The following THADA variants were observed in gnomAD, a reference collection of about 807,000 sequenced individuals.
The protein encoded by THADA is tRNA (32-2'-O)-methyltransferase regulator THADA.
THADA carries 213 observed loss-of-function variants against 219.8 expected under a neutral mutation model. The ratio of observed to expected loss-of-function variants is 0.97; its 90% CI spans 0.87 to 1.09. The LOEUF (loss-of-function observed/expected upper bound fraction) is 1.09. Ranked by LOEUF, THADA falls within the 50% of genes least tolerant of loss-of-function variation. The pLI is 0.00. For missense variants in THADA, 2,956 were observed against 2,311.3 expected (o/e 1.28, Z -5.72); for synonymous variants, 1,018 against 828.9 (o/e 1.23, Z -3.92).
At chr2:43,426,193 T>C (rs1678400791) in intron 28 of THADA, among the ~76,000 whole-genome samples, 1 of 152,202 alleles carries the variant, frequency 6.6e-6, no homozygotes, top group African/African-American at 2.4e-5. Context: ...ATATAATGAG[T>C]AGTATCAGCA....
At chr2:43,394,753 C>G (rs1673819783) in intron 29 of THADA, among the ~76,000 whole-genome samples, 1 of 152,224 alleles carries the variant, frequency 6.6e-6, no homozygotes, top group Non-Finnish European at 1.5e-5. Context: ...GCCAGAAAGA[C>G]TTTCCACATC....
chr2:43,306,397 T>G (rs1304851766), intron 31 of THADA, among the ~76,000 whole-genome samples: 1 of 152,172 alleles, frequency 6.6e-6, no homozygotes, highest in Non-Finnish European at 1.5e-5. Flanking sequence ...TAATTTAAAC[T>G]CTAACTCACA....
chr2:43,458,407 G>A (rs1683261330), intron 26 of THADA, among the ~76,000 whole-genome samples: 2 of 152,162 alleles, frequency 1.3e-5, no homozygotes, highest in African/African-American at 4.8e-5. Context: ...GTAACTTGGG[G>A]AAGTCACCTA....
At chr2:43,443,220 C>T (rs1558768892) in intron 26 of THADA, among the ~76,000 whole-genome samples, 2 of 152,020 alleles carry the variant, frequency 1.3e-5, no homozygotes, top group Admixed American at 6.5e-5. Flanking sequence ...AAACAGTTGC[C>T]GAGTGAGTGA....
chr2:43,443,612 T>A (rs1193822867), intron 26 of THADA, among the ~76,000 whole-genome samples: 2 of 152,142 alleles, frequency 1.3e-5, no homozygotes, highest in African/African-American at 4.8e-5. Flanking sequence ...AAGGAAAAAC[T>A]GAAGCTCTGT....
chr2:43,583,321 T>C (rs1700660078), intron 7 of THADA, among the ~76,000 whole-genome samples: 1 of 152,212 alleles, frequency 6.6e-6, no homozygotes, highest in Non-Finnish European at 1.5e-5. Context: ...GGTTCTACCT[T>C]CAAAATACAT....
intron 28 of THADA, among the ~76,000 whole-genome samples, chr2:43,423,511 C>A (rs1202735847): frequency 6.6e-6 from 1 of 151,550 alleles, no homozygotes; most frequent in African/African-American, 2.4e-5. Flanking sequence ...CTGCTCACTG[C>A]AAGCTCTGCC....
At chr2:43,403,055 C>T (rs1171334578) in intron 28 of THADA, among the ~76,000 whole-genome samples, 1 of 152,210 alleles carries the variant, frequency 6.6e-6, no homozygotes, top group Non-Finnish European at 1.5e-5. Flanking sequence ...TTTCATTAAT[C>T]TTCATTCCAA....
At chr2:43,442,135 T>C (rs1680915111) in intron 26 of THADA, among the ~76,000 whole-genome samples, 1 of 152,088 alleles carries the variant, frequency 6.6e-6, no homozygotes, top group African/African-American at 2.4e-5. Context: ...GATAGTTTTG[T>C]GGGGAAATTG....
chr2:43,425,678 T>C (rs1012539277), intron 28 of THADA, among the ~76,000 whole-genome samples: 2 of 152,200 alleles, frequency 1.3e-5, no homozygotes, highest in Non-Finnish European at 2.9e-5. Flanking sequence ...AGAAACACTG[T>C]TCTATAACAC....
At chr2:43,523,203 A>G (rs1003024530) in intron 22 of THADA, among the ~76,000 whole-genome samples, 1 of 152,088 alleles carries the variant, frequency 6.6e-6, no homozygotes, top group East Asian at 1.9e-4. Context: ...CATCTCTACA[A>G]AAAATACAAA....
At chr2:43,354,021 G>C (rs1668589106) in intron 29 of THADA, among the ~76,000 whole-genome samples, 1 of 152,038 alleles carries the variant, frequency 6.6e-6, no homozygotes, top group South Asian at 2.1e-4. Context: ...GTTTCACCGT[G>C]TTAGCCAGGC....
At chr2:43,515,440 A>T (rs1044075884) in intron 22 of THADA, among the ~76,000 whole-genome samples, 1 of 120,010 alleles carries the variant, frequency 8.3e-6, no homozygotes, top group African/African-American at 3.1e-5. Flanking sequence ...AACAGATAAG[A>T]TGAATTCTAA....
At chr2:43,472,343 G>A (rs1684998845) in intron 26 of THADA, among the ~76,000 whole-genome samples, 1 of 152,196 alleles carries the variant, frequency 6.6e-6, no homozygotes, top group Non-Finnish European at 1.5e-5. Context: ...TATAAATGGT[G>A]GCACTGCAGA....
At chr2:43,309,187 C>T (rs1291631627) in intron 31 of THADA, among the ~76,000 whole-genome samples, 1 of 152,200 alleles carries the variant, frequency 6.6e-6, no homozygotes, top group Non-Finnish European at 1.5e-5. Context: ...AAAAGACATA[C>T]ATAGTCAAAC....
chr2:43,479,568 G>A (rs1685937712), intron 26 of THADA, among the ~76,000 whole-genome samples: 1 of 151,198 alleles, frequency 6.6e-6, no homozygotes, highest in African/African-American at 2.4e-5. Flanking sequence ...TCTATCAATA[G>A]CACCAAACTA....
chr2:43,239,013 G>A (rs1346475299), intron 36 of THADA, among the ~76,000 whole-genome samples: 1 of 152,190 alleles, frequency 6.6e-6, no homozygotes, highest in African/African-American at 2.4e-5. Flanking sequence ...TTCCTGGAGT[G>A]CTTCAAATGG....
chr2:43,552,066 C>A, intron 18 of THADA, 138 bp downstream of exon 18: 2 of 1,505,344 alleles, frequency 1.3e-6, no homozygotes, highest in South Asian at 2.6e-5. Context: ...TACACAGATA[C>A]GTATGTTTTT....
intron 13 of THADA, among the ~76,000 whole-genome samples, chr2:43,570,839 G>GATC (rs1699213412): frequency 1.4e-5 from 1 of 72,950 alleles, no homozygotes; most frequent in Non-Finnish European, 2.7e-5. Context: ...ATTTGATAAT[G>GATC]ATCTTTTGAG....
Sources: gnomAD v4.1 joint callset for allele counts (sites outside exome capture counted in the v4.1 genomes callset) on GRCh38, gnomAD v4.1.1 for gene constraint, MANE v1.5 for transcripts, NCBI Gene and HGNC (gene_info 2026-07-23, HGNC 2026-07-21) for gene names.